Variants in ZFYVE28 observed in about 807,000 individuals in gnomAD.
ZFYVE28 encodes the protein lateral signaling target protein 2 homolog.
In ZFYVE28, 40 loss-of-function variants were observed where a neutral mutation model predicts 82.1. The ratio of observed to expected loss-of-function variants is 0.49; its 90% CI spans 0.38 to 0.63. The LOEUF is 0.63. ZFYVE28 is among the 30% of genes least tolerant of loss of function. The probability of loss-of-function intolerance (pLI) is 0.00; values close to 1 mark genes in which losing one functional copy is unlikely to be tolerated. For synonymous variants in ZFYVE28, 612 were observed against 546.1 expected, an observed-to-expected ratio of 1.12 and a Z score of -1.68; for missense variants, 1,321 against 1,242.1, an observed-to-expected ratio of 1.06 and a Z score of -0.96.
chr4:2,415,136 G>A (rs941615995), intron 1 of ZFYVE28, among the ~76,000 whole-genome samples: 6 of 152,124 alleles, frequency 3.9e-5, no homozygotes, highest in African/African-American at 9.7e-5. Context: ...TTAAACTTTT[G>A]TATTATTCAT....
rs764842627 is a variant in ZFYVE28 at position 2,341,462 on chromosome 4, G to A, written c.318+16C>T. 6.2e-7 allele frequency: 1 copy of A among 1,612,122 alleles called. No homozygotes were observed. Among genetic ancestry groups the A allele is most frequent in the East Asian group, 2.2e-5 (1 of 44,848 alleles). On this transcript the variant is annotated intron_variant, in intron 3 of 12. Coordinates refer to ENST00000290974, the MANE Select transcript of ZFYVE28 (RefSeq NM_020972.3). The surrounding 1 kb of genome is among the most constrained non-coding windows in gnomAD (Gnocchi z 4.5). ...CCCCACATCAGGACCTCCGAACCCGGGTGGCCACCCGCTACCTCGGCACCG... is the reference window on the plus strand; with the variant it reads ...CCCCACATCAGGACCTCCGAACCCGAGTGGCCACCCGCTACCTCGGCACCG...
At chr4:2,308,683 G>GAGAAAGAAAGAAAAGAAAAGA (rs1553830774) in intron 7 of ZFYVE28, among the ~76,000 whole-genome samples, 62 of 81,500 alleles carry the variant, frequency 7.6e-4, no homozygotes, top group African/African-American at 2.9e-3. Context: ...GAAAGAGAAA[G>GAGAAAGAAAGAAAAGAAAAGA]AAAGAAAAGA....
At chr4:2,378,978 G>A (rs1048195180) in intron 1 of ZFYVE28, among the ~76,000 whole-genome samples, 3 of 152,206 alleles carry the variant, frequency 2.0e-5, no homozygotes, top group African/African-American at 7.2e-5. Context: ...CTTCCTCTAT[G>A]GGGTACATCT....
rs201917156 is a variant in ZFYVE28, at chr4:2,372,472, C to T, written c.40-18399G>A. On this transcript the variant is annotated intron_variant, in intron 1 of 12. Coordinates refer to ENST00000290974, the MANE Select transcript of ZFYVE28 (RefSeq NM_020972.3). The surrounding 1 kb of genome is among the most constrained non-coding windows in gnomAD (Gnocchi z 5.2). ...AGGTTCACCCAACACCTGACTCACC[C>T]GATTCGGGTCTCTGCCTGGACGTCA... 8.6e-5 allele frequency among the ~76,000 whole-genome samples: 13 copies of T among 151,792 alleles called. No individual in the cohort carries two copies. The highest frequency in any genetic ancestry group is 2.7e-4 in the African/African-American group (11 of 41,396).
chr4:2,345,129 G>A (rs1272528994), intron 2 of ZFYVE28, among the ~76,000 whole-genome samples: 1 of 152,044 alleles, frequency 6.6e-6, no homozygotes, highest in African/African-American at 2.4e-5. Context: ...GAACCCAGGA[G>A]ACAGAGCTTG....
chr4:2,365,983 A>G (rs1726840993), intron 1 of ZFYVE28, among the ~76,000 whole-genome samples: 1 of 152,152 alleles, frequency 6.6e-6, no homozygotes, highest in African/African-American at 2.4e-5. Context: ...GACCCATGTG[A>G]CCTGCTCGTA....
rs185734987 is a variant in ZFYVE28 at position 2,300,604 on chromosome 4, G to C, written c.2051+3685C>G. ...GGCCATGTGCCAACCCACCTCCTGC[G>C]TGCATCCGTCCCCTGGCTGGTGGCT... On this transcript the variant is annotated intron_variant, in intron 8 of 12. Transcript: ENST00000290974. The surrounding 1 kb of genome is among the most constrained non-coding windows in gnomAD (Gnocchi z 4.6). Among the ~76,000 whole-genome samples the C allele has an allele frequency of 4.6e-5, 7 of 152,002 alleles. No homozygotes were observed. Among genetic ancestry groups the C allele is most frequent in the African/African-American group, 1.7e-4 (7 of 41,370 alleles).
intron 8 of ZFYVE28, among the ~76,000 whole-genome samples, chr4:2,292,666 A>G (rs920149436): frequency 3.4e-4 from 52 of 152,348 alleles, no homozygotes; most frequent in African/African-American, 1.2e-3. Flanking sequence ...TTTTGTAGTC[A>G]AAAATCTTCG....
Position 2,409,482 on chromosome 4 carries a change from C to T in ZFYVE28, c.39+8803G>A, listed in dbSNP as rs1732282472. Among the ~76,000 whole-genome samples the T allele has an allele frequency of 6.6e-6, 1 of 152,158 alleles. No homozygotes were observed. The highest frequency in any genetic ancestry group is 2.1e-4 in the South Asian group (1 of 4,832). ...CAGCGACCCCACCTTGTCCCCTGTG[C>T]TCCAAGTGCACCCAGCCTTTCAGGC... is the stretch of plus-strand genomic sequence containing the variant. On this transcript the variant is annotated intron_variant, in intron 1 of 12. Coordinates refer to ENST00000290974, the MANE Select transcript of ZFYVE28 (RefSeq NM_020972.3). This position sits in a 1 kb window ranked among gnomAD's most constrained non-coding sequence, Gnocchi z 4.4.
chr4:2,371,020 T>C (rs1198816891), intron 1 of ZFYVE28, among the ~76,000 whole-genome samples: 2 of 152,170 alleles, frequency 1.3e-5, no homozygotes, highest in Admixed American at 6.5e-5. Context: ...GGACGCAGCA[T>C]GTGGGGCGCA....
chr4:2,288,993 G>A (rs1164745667), intron 8 of ZFYVE28, among the ~76,000 whole-genome samples: 1 of 151,050 alleles, frequency 6.6e-6, no homozygotes, highest in Non-Finnish European at 1.5e-5. Flanking sequence ...AATAAAATAG[G>A]AGTGCTAAGG....
At chr4:2,308,317 A>C (rs78776340) in intron 7 of ZFYVE28, among the ~76,000 whole-genome samples, 3,412 of 152,016 alleles carry the variant, frequency 0.022, 114 homozygotes, top group African/African-American at 0.079. Context: ...CACACAGCAG[A>C]AAAGCATACA....
rs914805048 is a variant in ZFYVE28 at position 2,335,047 on chromosome 4, G to A, written c.701+658C>T. Among the ~76,000 whole-genome samples the A allele has an allele frequency of 1.2e-4, 18 of 150,938 alleles. No individual in the cohort carries two copies. Among genetic ancestry groups the A allele is most frequent in the Admixed American group, 5.3e-4 (8 of 15,122 alleles). On this transcript the variant is annotated intron_variant, in intron 6 of 12. Transcript: ENST00000290974. The surrounding 1 kb of genome is among the most constrained non-coding windows in gnomAD (Gnocchi z 5.8). ...AGAGACGCTAAGCAGGTGACCCCGC[G>A]CATCCTGCCTCGGTGGATTTCAGGC...
At chr4:2,286,225 C>G (rs1465468614) in intron 8 of ZFYVE28, 1 of 152,542 alleles carries the variant, frequency 6.6e-6, no homozygotes, top group Admixed American at 6.5e-5. Flanking sequence ...ATGGTCCCCA[C>G]CCCTCAGCTT....
intron 3 of ZFYVE28, among the ~76,000 whole-genome samples, chr4:2,340,672 G>A (rs1266364566): frequency 1.3e-5 from 2 of 152,198 alleles, no homozygotes; most frequent in African/African-American, 4.8e-5. Context: ...TCTCATGACT[G>A]CCCCAGGACC....
At chr4:2,284,227 T>G (rs189485662) in intron 8 of ZFYVE28, among the ~76,000 whole-genome samples, 1 of 152,014 alleles carries the variant, frequency 6.6e-6, no homozygotes, top group African/African-American at 2.4e-5. Flanking sequence ...TGTTCAGAAA[T>G]GAGACCATTT....
chr4:2,384,014 T>A (rs1404066972), intron 1 of ZFYVE28, among the ~76,000 whole-genome samples: 1 of 152,196 alleles, frequency 6.6e-6, no homozygotes, highest in East Asian at 1.9e-4. Context: ...CCACTGGGGC[T>A]GTTCTGCAAA....
chr4:2,279,533 A>G (rs923221493), intron 8 of ZFYVE28, among the ~76,000 whole-genome samples: 1 of 152,250 alleles, frequency 6.6e-6, no homozygotes, highest in East Asian at 1.9e-4. Flanking sequence ...TAATCCCAGC[A>G]CTTTGGGAGG....
intron 1 of ZFYVE28, among the ~76,000 whole-genome samples, chr4:2,375,850 A>G (rs1336618197): frequency 6.6e-6 from 1 of 151,676 alleles, no homozygotes; most frequent in African/African-American, 2.4e-5. Flanking sequence ...TATTGATTAT[A>G]TGTTAAAACA....
Sources: allele counts gnomAD v4.1 joint callset (sites outside exome capture counted in the v4.1 genomes callset), GRCh38; gene constraint gnomAD v4.1.1; non-coding constraint Gnocchi (gnomAD v3.1); transcripts MANE v1.5; gene names NCBI Gene and HGNC (gene_info 2026-07-23, HGNC 2026-07-21).